The following PHIP variants were observed in gnomAD, a reference collection of about 807,000 sequenced individuals.
PHIP encodes the protein PHIP subunit of CUL4-Ring ligase complex.
A neutral mutation model predicts 236.8 loss-of-function variants in PHIP; 54 were observed. That is an observed-to-expected ratio of 0.23 (90% CI 0.18 to 0.29). The LOEUF (loss-of-function observed/expected upper bound fraction) is 0.29, where lower values mean the gene tolerates loss of function less well. PHIP is among the 10% of genes least tolerant of loss of function. The pLI, the probability that PHIP is intolerant of heterozygous loss-of-function variation, is 1.00. For missense variants in PHIP, 1,370 were observed against 2,190.8 expected (o/e 0.63, Z 7.48); for synonymous variants, 756 against 718.9 (o/e 1.05, Z -0.83).
intron 9 of PHIP, among the ~76,000 whole-genome samples, chr6:79,020,064 T>G (rs1771036298): frequency 6.6e-6 from 1 of 152,084 alleles, no homozygotes; most frequent in South Asian, 2.1e-4. Context: ...TATAACAAAT[T>G]TAGAGCAGTT....
chr6:78,961,626 T>G, intron 31 of PHIP, 64 bp downstream of exon 31: 1 of 1,540,538 alleles, frequency 6.5e-7, no homozygotes, highest in East Asian at 2.3e-5. Flanking sequence ...CTGCTAAAGA[T>G]CAGTAAATGG....
chr6:79,027,561 A>AT (rs1185924523), intron 7 of PHIP, among the ~76,000 whole-genome samples: 2 of 152,230 alleles, frequency 1.3e-5, no homozygotes, highest in African/African-American at 4.8e-5. Context: ...CACTAAAGAT[A>AT]TAAGAATGAG....
At chr6:79,025,445 G>T (rs574324583) in intron 9 of PHIP, 74 bp downstream of exon 9, 4 of 813,316 alleles carry the variant, frequency 4.9e-6, no homozygotes, top group Admixed American at 4.1e-5. Flanking sequence ...TCCTATTGTC[G>T]ACTACTTTAT....
At chr6:79,049,000 C>A (rs369779565) in intron 6 of PHIP, among the ~76,000 whole-genome samples, 1 of 151,976 alleles carries the variant, frequency 6.6e-6, no homozygotes, top group East Asian at 1.9e-4. Context: ...TCAGACAAGA[C>A]GCATCAGTAT....
At chr6:79,076,187 T>C (rs1404225535) in intron 4 of PHIP, among the ~76,000 whole-genome samples, 2 of 152,200 alleles carry the variant, frequency 1.3e-5, no homozygotes, top group Non-Finnish European at 2.9e-5. Context: ...AAGAGATTTA[T>C]ACACAAAAGT....
At chr6:78,972,178 T>C (rs1767625424) in intron 24 of PHIP, among the ~76,000 whole-genome samples, 2 of 152,180 alleles carry the variant, frequency 1.3e-5, no homozygotes, top group African/African-American at 4.8e-5. Flanking sequence ...CAGCTGGAGA[T>C]ATGAGAACGG....
chr6:78,937,295 G>A lies in PHIP; in HGVS notation c.*3398C>T, dbSNP rs1773309979. 6.6e-6 allele frequency: 1 copy of A among 151,676 alleles called. No individual in the cohort carries two copies. Among genetic ancestry groups the A allele is most frequent in the Non-Finnish European group, 1.5e-5 (1 of 67,648 alleles). 9.4% of individuals were successfully genotyped at this position (151,676 alleles called of 1,614,324 possible). A position where few individuals can be genotyped will look rare whatever the true frequency, so the allele number is the denominator to read the frequency against. On this transcript the variant is annotated 3_prime_UTR_variant, in exon 40 of 40. Transcript: ENST00000275034. ...ATGTATAAAATGGAATGTCAGAATT[G>A]AAGTAAACATTGTTAACTGGAGAAA...
intron 24 of PHIP, among the ~76,000 whole-genome samples, chr6:78,977,890 C>G (rs1481763167): frequency 6.6e-6 from 1 of 152,016 alleles, no homozygotes; most frequent in African/African-American, 2.4e-5. Flanking sequence ...TGTCAATTAC[C>G]ACTTTATACT....
At chr6:78,975,014 C>G (rs9343857) in intron 24 of PHIP, among the ~76,000 whole-genome samples, 39,748 of 151,042 alleles carry the variant, frequency 0.26, 5,565 homozygotes, top group Non-Finnish European at 0.31. Flanking sequence ...TCCCCCCTAA[C>G]TCATTTTATG....
chr6:79,061,167 C>A (rs560847703), intron 4 of PHIP, among the ~76,000 whole-genome samples: 1 of 152,134 alleles, frequency 6.6e-6, no homozygotes, highest in East Asian at 1.9e-4. Flanking sequence ...TAATTTATAC[C>A]GGCATTTGAA....
chr6:79,014,630 T>A (rs1484605315), intron 15 of PHIP, among the ~76,000 whole-genome samples: 1 of 151,834 alleles, frequency 6.6e-6, no homozygotes, highest in Non-Finnish European at 1.5e-5. Context: ...ATATTTAATA[T>A]ACTACCAATT....
chr6:79,033,793 C>G (rs1032832153), intron 7 of PHIP, among the ~76,000 whole-genome samples: 6 of 152,166 alleles, frequency 3.9e-5, no homozygotes, highest in Non-Finnish European at 4.4e-5. Flanking sequence ...ACTTGGCTAA[C>G]TCTTTTAACA....
intron 6 of PHIP, among the ~76,000 whole-genome samples, chr6:79,047,260 C>T (rs1772547055): frequency 6.6e-6 from 1 of 152,194 alleles, no homozygotes; most frequent in African/African-American, 2.4e-5. Flanking sequence ...TGACTATGCG[C>T]ATATTCAGCC....
chr6:78,946,383 A>G, intron 37 of PHIP, 123 bp from the exon 38 acceptor site: 1 of 1,387,988 alleles, frequency 7.2e-7, no homozygotes, highest in Non-Finnish European at 9.5e-7. Flanking sequence ...TGAGATTTAT[A>G]GTGGATTTCA....
intron 4 of PHIP, among the ~76,000 whole-genome samples, chr6:79,065,774 ACACAC>A (rs1261431190): frequency 2.7e-5 from 4 of 150,418 alleles, no homozygotes; most frequent in African/African-American, 9.8e-5. Context: ...CCACACACAC[ACACAC>A]ACACACACAC....
At chr6:79,037,477 T>G in intron 7 of PHIP, among the ~76,000 whole-genome samples, 1 of 152,190 alleles carries the variant, frequency 6.6e-6, no homozygotes, top group East Asian at 1.9e-4. Flanking sequence ...AAATTTGCAA[T>G]GTTTGCTCTT....
rs1229581459 is a variant in PHIP at position 79,015,183 on chromosome 6, G to A, written c.1423C>T (p.His475Tyr). 1 of 1,610,388 alleles carries A rather than the reference G, an allele frequency of 6.2e-7. No homozygotes were observed. Among genetic ancestry groups the A allele is most frequent in the Non-Finnish European group, 8.5e-7 (1 of 1,177,068 alleles). ...AAGAGAACTCTAGGATCGAACGGGTGTGGTTCAAGAACAAATACCTCATCT... is the reference window on the plus strand; with the variant it reads ...AAGAGAACTCTAGGATCGAACGGGTATGGTTCAAGAACAAATACCTCATCT... ...HEDEVFVLEP[H>Y]PFDPRVLFSA... The change falls in exon 15 of 40, where the codon CAC (histidine) becomes TAC (tyrosine). Residue 475 changes from histidine to tyrosine, a missense_variant. Coordinates refer to ENST00000275034, the MANE Select transcript of PHIP (RefSeq NM_017934.7).
chr6:79,015,815 T>G, intron 13 of PHIP, 32 bp from the exon 14 acceptor site: 1 of 1,552,226 alleles, frequency 6.4e-7, no homozygotes, highest in South Asian at 1.2e-5. Context: ...ACACTGACTA[T>G]TAAAATACTG....
intron 29 of PHIP, among the ~76,000 whole-genome samples, chr6:78,963,956 A>G (rs1766960778): frequency 7.9e-6 from 1 of 127,366 alleles, no homozygotes; most frequent in Non-Finnish European, 1.9e-5. Context: ...TCCAAATAGA[A>G]CAACAACAGT....
Sources: gnomAD v4.1 joint callset for allele counts (sites outside exome capture counted in the v4.1 genomes callset) on GRCh38, gnomAD v4.1.1 for gene constraint, MANE v1.5 for transcripts, NCBI Gene and HGNC (gene_info 2026-07-23, HGNC 2026-07-21) for gene names.